Variants in MBOAT2 observed in about 807,000 individuals in gnomAD.
MBOAT2 encodes membrane bound glycerophospholipid O-acyltransferase 2, also known as membrane-bound glycerophospholipid O-acyltransferase 2.
A neutral mutation model predicts 63.4 loss-of-function variants in MBOAT2; 28 were observed. That is an observed-to-expected ratio of 0.44 (90% confidence interval 0.33 to 0.61). The LOEUF (loss-of-function observed/expected upper bound fraction) is 0.61, where lower values mean the gene tolerates loss of function less well. Among genes scored for constraint, MBOAT2 ranks in the 20% least tolerant of loss-of-function variants. The pLI, the probability that MBOAT2 is intolerant of heterozygous loss-of-function variation, is 0.03. For synonymous variants in MBOAT2, 211 were observed against 215.6 expected, an observed-to-expected ratio of 0.98 and a Z score of 0.19; for missense variants, 470 against 605.8, an observed-to-expected ratio of 0.78 and a Z score of 2.35.
intron 2 of MBOAT2, among the ~76,000 whole-genome samples, chr2:8,954,527 G>A (rs1231192468): frequency 6.6e-6 from 1 of 152,038 alleles, no homozygotes; most frequent in Non-Finnish European, 1.5e-5. Flanking sequence ...TTGTGCCTAG[G>A]CATGCAGCTG....
intron 5 of MBOAT2, among the ~76,000 whole-genome samples, chr2:8,887,341 C>G (rs1056696545): frequency 6.6e-6 from 1 of 152,136 alleles, no homozygotes; most frequent in Non-Finnish European, 1.5e-5. Context: ...ATTCTCCTCT[C>G]TCTCTCTCTG....
At chr2:8,886,668 T>C (rs1663575025) in intron 5 of MBOAT2, among the ~76,000 whole-genome samples, 1 of 152,220 alleles carries the variant, frequency 6.6e-6, no homozygotes, top group Non-Finnish European at 1.5e-5. Context: ...ATAATTACCA[T>C]TAAATCCATT....
At chr2:8,902,478 C>T (rs543649286) in intron 4 of MBOAT2, among the ~76,000 whole-genome samples, 16 of 152,250 alleles carry the variant, frequency 1.1e-4, no homozygotes, top group East Asian at 5.8e-4. Flanking sequence ...CGGACGTGTC[C>T]GGACTTTCTT....
chr2:8,864,053 T>C (rs1661682284), intron 10 of MBOAT2, 117 bp downstream of exon 10: 11 of 665,214 alleles, frequency 1.7e-5, no homozygotes, highest in Non-Finnish European at 2.7e-5. Context: ...CGGCTGACAC[T>C]GAGGTCACAA....
At chr2:8,930,430 T>C (rs917314958) in intron 3 of MBOAT2, among the ~76,000 whole-genome samples, 5 of 152,238 alleles carry the variant, frequency 3.3e-5, no homozygotes, top group African/African-American at 7.2e-5. Flanking sequence ...TATGGCTGCA[T>C]AGTATTCCAT....
At chr2:8,885,711 C>T (rs943506779) in intron 5 of MBOAT2, among the ~76,000 whole-genome samples, 1 of 152,156 alleles carries the variant, frequency 6.6e-6, no homozygotes, top group African/African-American at 2.4e-5. Flanking sequence ...GGCAAGCAGG[C>T]TCTATTATAT....
chr2:8,972,576 C>A (rs1316214820), intron 1 of MBOAT2, among the ~76,000 whole-genome samples: 1 of 152,182 alleles, frequency 6.6e-6, no homozygotes, highest in Non-Finnish European at 1.5e-5. Context: ...TCAGAGTGAA[C>A]AGGCAACCTA....
chr2:8,907,836 A>AT (rs947599311), intron 4 of MBOAT2, among the ~76,000 whole-genome samples: 4 of 151,798 alleles, frequency 2.6e-5, no homozygotes, highest in African/African-American at 7.3e-5. Flanking sequence ...TATAGAAGTG[A>AT]TTTTTTTTCC....
intron 6 of MBOAT2, among the ~76,000 whole-genome samples, chr2:8,880,795 T>C (rs551731241): frequency 3.3e-5 from 5 of 152,338 alleles, no homozygotes; most frequent in Non-Finnish European, 2.9e-5. Flanking sequence ...AACTGGCCAA[T>C]GCTGCGAGGT....
At chr2:8,972,827 T>C (rs1176179905) in intron 1 of MBOAT2, among the ~76,000 whole-genome samples, 1 of 152,148 alleles carries the variant, frequency 6.6e-6, no homozygotes, top group Non-Finnish European at 1.5e-5. Flanking sequence ...AGATACCATC[T>C]CACACCAGTT....
chr2:8,899,257 T>C (rs904214502), intron 4 of MBOAT2, among the ~76,000 whole-genome samples: 3 of 152,114 alleles, frequency 2.0e-5, no homozygotes, highest in Non-Finnish European at 4.4e-5. Context: ...GGCTAATATA[T>C]CCCTCCCTAA....
intron 10 of MBOAT2, among the ~76,000 whole-genome samples, chr2:8,863,475 C>T (rs977718641): frequency 5.3e-5 from 8 of 152,298 alleles, no homozygotes; most frequent in Non-Finnish European, 8.8e-5. Context: ...CAGCTCTGTC[C>T]TTCGCACCTG....
At chr2:8,998,262 C>T (rs946279361) in intron 1 of MBOAT2, among the ~76,000 whole-genome samples, 2 of 152,156 alleles carry the variant, frequency 1.3e-5, no homozygotes, top group African/African-American at 2.4e-5. Context: ...GCAGACTCTC[C>T]GGGTTTTCAG....
At chr2:8,901,761 G>A (rs1021482992) in intron 4 of MBOAT2, among the ~76,000 whole-genome samples, 2 of 152,158 alleles carry the variant, frequency 1.3e-5, no homozygotes, top group African/African-American at 4.8e-5. Flanking sequence ...TGATTGGTGA[G>A]CCCGGGTGCC....
At chr2:8,946,189 A>G (rs1668403914) in intron 2 of MBOAT2, among the ~76,000 whole-genome samples, 1 of 152,122 alleles carries the variant, frequency 6.6e-6, no homozygotes. Context: ...TCTCACAGTA[A>G]TCATTCGTTC....
At chr2:8,983,400 T>G (rs552837965) in intron 1 of MBOAT2, among the ~76,000 whole-genome samples, 1 of 152,208 alleles carries the variant, frequency 6.6e-6, no homozygotes, top group South Asian at 2.1e-4. Flanking sequence ...ACGAAACACT[T>G]TGGAATTTAA....
At chr2:8,946,634 C>A (rs1181201275) in intron 2 of MBOAT2, among the ~76,000 whole-genome samples, 9 of 152,202 alleles carry the variant, frequency 5.9e-5, no homozygotes, top group Non-Finnish European at 1.3e-4. Context: ...TTTGGTAATT[C>A]TCAACAATAT....
At chr2:8,920,035 GGGTTACA>G (rs1666465629) in intron 3 of MBOAT2, among the ~76,000 whole-genome samples, 1 of 152,058 alleles carries the variant, frequency 6.6e-6, no homozygotes, top group Admixed American at 6.6e-5. Context: ...CAAAGTGCTG[GGGTTACA>G]GGCGTGTGCT....
chr2:8,967,711 T>C (rs1036025355), intron 1 of MBOAT2, among the ~76,000 whole-genome samples: 4 of 152,138 alleles, frequency 2.6e-5, no homozygotes, highest in Non-Finnish European at 4.4e-5. Flanking sequence ...CAGTGAAATA[T>C]AACTAGAATT....
Sources: gnomAD v4.1 joint callset for allele counts (sites outside exome capture counted in the v4.1 genomes callset) on GRCh38, gnomAD v4.1.1 for gene constraint, MANE v1.5 for transcripts, NCBI Gene and HGNC (gene_info 2026-07-23, HGNC 2026-07-21) for gene names.